The following ACTL7B variants were observed in gnomAD, a reference collection of about 807,000 sequenced individuals.
ACTL7B encodes the protein actin like 7B.
ACTL7B carries 14 observed loss-of-function variants against 17.5 expected under a neutral mutation model. That is an observed-to-expected ratio of 0.80 (90% CI 0.53 to 1.25). The LOEUF is 1.25. Ranked by LOEUF, ACTL7B falls within the 50% of genes most tolerant of loss-of-function variation. ACTL7B has a pLI of 0.00. For synonymous variants in ACTL7B, 267 were observed against 252.4 expected, an observed-to-expected ratio of 1.06 and a Z score of -0.55; for missense variants, 599 against 573.9, an observed-to-expected ratio of 1.04 and a Z score of -0.45.
chr9:108,855,970 GC>G lies in ACTL7B; in HGVS notation c.-41del. The G allele has an allele frequency of 6.6e-7, 1 of 1,523,248 alleles. No individual in the cohort carries two copies. Among genetic ancestry groups the G allele is most frequent in the Non-Finnish European group, 8.8e-7 (1 of 1,139,070 alleles). The allele number at this position is 1,523,248 out of a possible 1,614,324, so 94.4% of individuals were successfully genotyped here. ...CCCCTTCTCACATCCACAGCCTAGA[GC>G]CCCCTGGGGAGAAATGAGATCCCCC... is the stretch of plus-strand genomic sequence containing the variant. On this transcript the variant is annotated 5_prime_UTR_variant, in exon 1 of 1. Transcript: ENST00000374667.
chr9:108,855,526 G>A lies in ACTL7B; in HGVS notation c.405C>T (p.Arg135=). Residue 135 remains arginine (R), a synonymous_variant, in exon 1 of 1, where the codon CGC becomes CGT. Coordinates refer to ENST00000374667, the MANE Select transcript of ACTL7B (RefSeq NM_006686.4). ...CVQDIWEYIF[R]TAMKILPEEH... ...CCTCGGGGAGGATCTTCATGGCGGTGCGGAAGATGTACTCCCAGATGTCCT... is the reference window on the plus strand; with the variant it reads ...CCTCGGGGAGGATCTTCATGGCGGTACGGAAGATGTACTCCCAGATGTCCT... 2.5e-6 allele frequency: 4 copies of A among 1,613,574 alleles called. No homozygotes were observed. Among genetic ancestry groups the A allele is most frequent in the Non-Finnish European group, 3.4e-6 (4 of 1,180,034 alleles).
In ACTL7B at chr9:108,855,827, G is replaced by C. The variant is rs773552541; in HGVS notation, c.104C>G (p.Ala35Gly). The C allele has an allele frequency of 6.2e-7, 1 of 1,611,374 alleles. No individual in the cohort carries two copies. The highest frequency in any genetic ancestry group is 1.6e-4 in the Middle Eastern group (1 of 6,062). ...GGGCTTCATCTTGAGCTGAGTGGCCGCACCTGTGTCCCGGAGGCTGGCGTC... is the reference window on the plus strand; with the variant it reads ...GGGCTTCATCTTGAGCTGAGTGGCCCCACCTGTGTCCCGGAGGCTGGCGTC... Reference protein sequence around the residue: ...GPDASLRDTGAATQLKMKPRK... With the variant: ...GPDASLRDTGGATQLKMKPRK... The change falls in exon 1 of 1, where the codon GCG (alanine) becomes GGG (glycine). Residue 35 changes from alanine (A) to glycine (G), a missense_variant. Transcript: ENST00000374667.
Position 108,855,225 on chromosome 9 carries a change from G to GCTGCAT in ACTL7B, c.700_705dup (p.Met234_Gln235dup). 6.3e-7 allele frequency: 1 copy of GCTGCAT among 1,595,948 alleles called. No homozygotes were observed. The highest frequency in any genetic ancestry group is 8.5e-7 in the Non-Finnish European group (1 of 1,175,586). ...AATGCGTGGCCCGCCTCATTGAGCA[G>GCTGCAT]CTGCATCAGGTAGTTGGTGAGGTCA... On this transcript the variant is annotated inframe_insertion, in exon 1 of 1. Coordinates refer to ENST00000374667, the MANE Select transcript of ACTL7B (RefSeq NM_006686.4).
Position 108,855,062 on chromosome 9 carries a change from G to A in ACTL7B, c.869C>T (p.Thr290Ile). 1 of 1,560,360 alleles carries A rather than the reference G, an allele frequency of 6.4e-7. No individual in the cohort carries two copies. Among genetic ancestry groups the A allele is most frequent in the African/African-American group, 1.4e-5 (1 of 73,658 alleles). ...DYELPDGKLI[T>I]IGQERFRCSE... is the part of the protein sequence containing the mutation. ...GCAACGGAAGCGCTCCTGGCCAATA[G>A]TGATGAGTTTGCCGTCCGGGAGCTC... The change falls in exon 1 of 1, where the codon ACT becomes ATT. Residue 290 changes from threonine (T) to isoleucine (I), a missense_variant. Physicochemically the swap from Thr to Ile is moderately conservative, Grantham distance 89. Coordinates refer to ENST00000374667, the MANE Select transcript of ACTL7B (RefSeq NM_006686.4).
chr9:108,855,721 C>T lies in ACTL7B; in HGVS notation c.210G>A (p.Arg70=). The change falls in exon 1 of 1, where the codon AGG becomes AGA. Residue 70 remains arginine, a synonymous_variant. Coordinates refer to ENST00000374667, the MANE Select transcript of ACTL7B (RefSeq NM_006686.4). ...CGGTGGAGGAGATGAAGTAGGTGGG[C>T]CTCGGCTCTCCCGCGTAGCCGCACT... is the stretch of plus-strand genomic sequence containing the variant. The part of the protein sequence containing the change: ...YCKCGYAGEP[R]PTYFISSTVG... 1.2e-6 allele frequency: 2 copies of T among 1,609,368 alleles called. No individual in the cohort carries two copies. Among genetic ancestry groups the T allele is most frequent in the Non-Finnish European group, 1.7e-6 (2 of 1,179,936 alleles).
Position 108,854,702 on chromosome 9 carries a change from G to A in ACTL7B, c.1229C>T (p.Ala410Val). 10 of 1,513,436 alleles carry A rather than the reference G, an allele frequency of 6.6e-6. No individual in the cohort carries two copies. The highest frequency in any genetic ancestry group is 8.9e-6 in the Non-Finnish European group (10 of 1,129,844). 93.8% of individuals were successfully genotyped at this position (1,513,436 alleles called of 1,614,324 possible). ...CGAGGCTCAGCACTTGCTGTAGATG[G>A]CCACGCTGCCCCGCTCCTCAAACTC... The part of the protein sequence containing the change: ...KEEFEERGSV[A>V]IYSKC The change falls in exon 1 of 1, where the codon GCC becomes GTC. Residue 410 changes from alanine (A) to valine (V), a missense_variant. Physicochemically the swap from Ala to Val is moderately conservative, Grantham distance 64. Coordinates refer to ENST00000374667, the MANE Select transcript of ACTL7B (RefSeq NM_006686.4).
Position 108,855,226 on chromosome 9 carries a change from C to T in ACTL7B, c.705G>A (p.Gln235=). ...AGGDLTNYLM[Q]LLNEAGHAFT... The stretch of plus-strand genomic sequence containing the variant: ...ATGCGTGGCCCGCCTCATTGAGCAG[C>T]TGCATCAGGTAGTTGGTGAGGTCAC... Residue 235 remains glutamine, a synonymous_variant, in exon 1 of 1, where the codon CAG becomes CAA. Coordinates refer to ENST00000374667, the MANE Select transcript of ACTL7B (RefSeq NM_006686.4). The T allele has an allele frequency of 1.3e-6, 2 of 1,595,672 alleles. No homozygotes were observed. Among genetic ancestry groups the T allele is most frequent in the Non-Finnish European group, 1.7e-6 (2 of 1,175,482 alleles).
Position 108,855,631 on chromosome 9 carries a change from A to G in ACTL7B, c.300T>C (p.His100=). Residue 100 remains histidine (H), a synonymous_variant, in exon 1 of 1, where the codon CAT becomes CAC. Transcript: ENST00000374667. ...GDTRKWTLVG[H]ELLNTEAPLK... The stretch of plus-strand genomic sequence containing the variant: ...GAGGCGCCTCCGTGTTGAGCAGCTC[A>G]TGGCCCACTAAAGTCCACTTGCGGG... The G allele has an allele frequency of 3.7e-6, 6 of 1,613,738 alleles. 1 individual carries two copies. The South Asian group carries it at 6.6e-5, about 18-fold the overall frequency.
At position 108,855,091 on chromosome 9, in the gene ACTL7B, G is replaced by A; in HGVS notation, c.840C>T (p.Asp280=). Residue 280 remains aspartate (D), a synonymous_variant, in exon 1 of 1, where the codon GAC becomes GAT. Coordinates refer to ENST00000374667, the MANE Select transcript of ACTL7B (RefSeq NM_006686.4). ...LGLVPEELRV[D]YELPDGKLIT... ...TGAGTTTGCCGTCCGGGAGCTCGTA[G>A]TCCACGCGCAGCTCCTCCGGGACCA... 1.9e-6 allele frequency: 3 copies of A among 1,591,074 alleles called. No individual in the cohort carries two copies. The highest frequency in any genetic ancestry group is 2.6e-6 in the Non-Finnish European group (3 of 1,169,748).
Position 108,855,803 on chromosome 9 carries a change from G to A in ACTL7B, c.128C>T (p.Pro43Leu). The A allele has an allele frequency of 1.2e-6, 2 of 1,610,906 alleles. No homozygotes were observed. The highest frequency in any genetic ancestry group is 1.3e-5 in the African/African-American group (1 of 75,054). ...CGCCTTGATCTTGTGCACCTTCCTG[G>A]GCTTCATCTTGAGCTGAGTGGCCGC... is the stretch of plus-strand genomic sequence containing the variant. ...TGAATQLKMK[P>L]RKVHKIKAVI... The change falls in exon 1 of 1, where the codon CCC becomes CTC. Residue 43 changes from proline to leucine, a missense_variant. Physicochemically the swap from Pro to Leu is moderately conservative, Grantham distance 98. Transcript: ENST00000374667.
Position 108,854,834 on chromosome 9 carries a change from TC to T in ACTL7B, c.1096del (p.Asp366ThrfsTer?). On this transcript the variant is annotated frameshift_variant, in exon 1 of 1. Transcript: ENST00000374667. LOFTEE classifies it high-confidence loss of function. ...QRELSLLCPG[D>X]SPAVAAAPER... is the part of the protein sequence containing the mutation. ...AGGAGCGGCAGCCACTGCAGGGCTGTCCCCGGGGCAGAGGAGGCTCAGCTCC... is the reference window on the plus strand; with the variant it reads ...AGGAGCGGCAGCCACTGCAGGGCTGTCCCGGGGCAGAGGAGGCTCAGCTCC... 2 of 1,592,360 alleles carry T rather than the reference TC, an allele frequency of 1.3e-6. No homozygotes were observed. Among genetic ancestry groups the T allele is most frequent in the Admixed American group, 1.7e-5 (1 of 57,164 alleles).
chr9:108,855,080 G>C lies in ACTL7B; in HGVS notation c.851C>G (p.Pro284Arg). The C allele has an allele frequency of 1.3e-6, 2 of 1,578,030 alleles. No individual in the cohort carries two copies. Among genetic ancestry groups the C allele is most frequent in the Non-Finnish European group, 8.6e-7 (1 of 1,163,330 alleles). ...GCCAATAGTGATGAGTTTGCCGTCCGGGAGCTCGTAGTCCACGCGCAGCTC... is the reference window on the plus strand; with the variant it reads ...GCCAATAGTGATGAGTTTGCCGTCCCGGAGCTCGTAGTCCACGCGCAGCTC... ...PEELRVDYEL[P>R]DGKLITIGQE... Residue 284 changes from proline to arginine, a missense_variant, in exon 1 of 1, where the codon CCG becomes CGG. Physicochemically the swap from Pro to Arg is moderately radical, Grantham distance 103 (BLOSUM62 -2). Coordinates refer to ENST00000374667, the MANE Select transcript of ACTL7B (RefSeq NM_006686.4).
rs1242596622 is a variant in ACTL7B, at chr9:108,854,774, A to C, written c.1157T>G (p.Ile386Ser). The C allele has an allele frequency of 6.3e-7, 1 of 1,598,884 alleles. No individual in the cohort carries two copies. The highest frequency in any genetic ancestry group is 8.5e-7 in the Non-Finnish European group (1 of 1,171,736). Residue 386 changes from isoleucine to serine, a missense_variant, in exon 1 of 1, where the codon ATC becomes AGC. By Grantham distance (142) the Ile-to-Ser change is moderately radical (BLOSUM62 -2). Transcript: ENST00000374667. Reference sequence around the variant, plus strand: ...TTGGAAGGCCTGCAGGGAGGCCAGGATGGAACCGCCGGTCCACACGGAGGT... The same window carrying C: ...TTGGAAGGCCTGCAGGGAGGCCAGGCTGGAACCGCCGGTCCACACGGAGGT... ...RKTSVWTGGSILASLQAFQQL... is the reference protein window; with the variant it reads ...RKTSVWTGGSSLASLQAFQQL...
At position 108,855,451 on chromosome 9, in the gene ACTL7B, C is replaced by G; in HGVS notation, c.480G>C (p.Arg160=). 1 of 1,613,308 alleles carries G rather than the reference C, an allele frequency of 6.2e-7. No homozygotes were observed. Residue 160 remains arginine (R), a synonymous_variant, in exon 1 of 1, where the codon CGG becomes CGC. Transcript: ENST00000374667. ...CAAACATGAGCTCCGCGTACTTCTC[C>G]CGGTTGCTGCTGGGGCTGAGCGGAG... ...SDPPLSPSSN[R]EKYAELMFET... is the part of the protein sequence containing the mutation.
rs777478226 is a variant in ACTL7B at position 108,855,298 on chromosome 9, C to T, written c.633G>A (p.Glu211=). ...TGGTCAGGCCCGGCAGCACGTCGCC[C>T]TCGGATATGGGCACCACGTGCGAGA... is the stretch of plus-strand genomic sequence containing the variant. The part of the protein sequence containing the change: ...HGVSHVVPIS[E]GDVLPGLTSR... Residue 211 remains glutamate, a synonymous_variant, in exon 1 of 1, where the codon GAG becomes GAA. Transcript: ENST00000374667. 6.2e-7 allele frequency: 1 copy of T among 1,601,512 alleles called. No individual in the cohort carries two copies. The highest frequency in any genetic ancestry group is 1.1e-5 in the South Asian group (1 of 91,012).
chr9:108,855,205 G>T lies in ACTL7B; in HGVS notation c.726C>A (p.His242Gln). 1 of 1,599,048 alleles carries T rather than the reference G, an allele frequency of 6.3e-7. No individual in the cohort carries two copies. The highest frequency in any genetic ancestry group is 8.5e-7 in the Non-Finnish European group (1 of 1,176,612). ...TGTGCAGGTGGTCGTCCGTGAATGC[G>T]TGGCCCGCCTCATTGAGCAGCTGCA... ...YLMQLLNEAG[H>Q]AFTDDHLHII... is the part of the protein sequence containing the mutation. Residue 242 changes from histidine (H) to glutamine (Q), a missense_variant, in exon 1 of 1, where the codon CAC becomes CAA. His to Gln is a conservative substitution (Grantham distance 24). Transcript: ENST00000374667.
At position 108,854,867 on chromosome 9, in the gene ACTL7B, A is replaced by G; in HGVS notation, c.1064T>C (p.Phe355Ser). The G allele has an allele frequency of 1.3e-6, 2 of 1,543,622 alleles. No homozygotes were observed. The highest frequency in any genetic ancestry group is 1.7e-6 in the Non-Finnish European group (2 of 1,145,288). ...GCAGAGGAGGCTCAGCTCCCTCTGG[A>G]AGCGCTCGGGGAAGCCATCCAGCAT... ...CTMLDGFPER[F>S]QRELSLLCPG... Residue 355 changes from phenylalanine to serine, a missense_variant, in exon 1 of 1, where the codon TTC becomes TCC. Coordinates refer to ENST00000374667, the MANE Select transcript of ACTL7B (RefSeq NM_006686.4).
In ACTL7B at chr9:108,855,697, G is replaced by T; in HGVS notation, c.234C>A (p.Thr78=). The change falls in exon 1 of 1, where the codon ACC becomes ACA. Residue 78 remains threonine (T), a synonymous_variant. Transcript: ENST00000374667. ...EPRPTYFISS[T]VGKRCPEAAD... is the part of the protein sequence containing the mutation. ...CCGCCTCGGGGCAGCGTTTGCCCAC[G>T]GTGGAGGAGATGAAGTAGGTGGGCC... 6.2e-7 allele frequency: 1 copy of T among 1,611,134 alleles called. No homozygotes were observed.
In ACTL7B at chr9:108,855,306, T is replaced by A; in HGVS notation, c.625A>T (p.Ile209Leu). 2.5e-6 allele frequency: 4 copies of A among 1,603,010 alleles called. No individual in the cohort carries two copies. Among genetic ancestry groups the A allele is most frequent in the Non-Finnish European group, 3.4e-6 (4 of 1,179,826 alleles). Residue 209 changes from isoleucine to leucine, a missense_variant, in exon 1 of 1, where the codon ATA becomes TTA. Ile to Leu is a conservative substitution (Grantham distance 5, BLOSUM62 2). Coordinates refer to ENST00000374667, the MANE Select transcript of ACTL7B (RefSeq NM_006686.4). ...SGHGVSHVVP[I>L]SEGDVLPGLT... The stretch of plus-strand genomic sequence containing the variant: ...CCCGGCAGCACGTCGCCCTCGGATA[T>A]GGGCACCACGTGCGAGACGCCGTGC...
Sources: gnomAD v4.1 joint callset for allele counts on GRCh38, gnomAD v4.1.1 for gene constraint, MANE v1.5 for transcripts, NCBI Gene and HGNC (gene_info 2026-07-23, HGNC 2026-07-21) for gene names.